Variants in PCLO observed in about 807,000 individuals in gnomAD.
PCLO encodes the protein protein piccolo.
PCLO carries 82 observed loss-of-function variants against 427.5 expected under a neutral mutation model. The observed-to-expected ratio is 0.19, with a 90% CI of 0.16 to 0.23. The LOEUF is 0.23. PCLO is among the 10% of genes least tolerant of loss of function. The pLI, the probability that PCLO is intolerant of heterozygous loss-of-function variation, is 1.00. For missense variants in PCLO, 6,239 were observed against 6,115.9 expected, an observed-to-expected ratio of 1.02 and a Z score of -0.67; for synonymous variants, 2,357 against 2,155.4, an observed-to-expected ratio of 1.09 and a Z score of -2.59.
At chr7:82,788,243 A>G (rs1583975553) in intron 22 of PCLO, among the ~76,000 whole-genome samples, 1 of 147,722 alleles carries the variant, frequency 6.8e-6, no homozygotes, top group East Asian at 1.9e-4. Flanking sequence ...TATAATTTAT[A>G]TATAATTAAT....
intron 6 of PCLO, among the ~76,000 whole-genome samples, chr7:82,924,206 G>A (rs533539317): frequency 6.6e-6 from 1 of 151,900 alleles, no homozygotes; most frequent in South Asian, 2.1e-4. Flanking sequence ...AGAACCGGAG[G>A]GAATAAAGGG....
Position 82,915,334 on chromosome 7 carries a change from T to C in PCLO, c.12652A>G (p.Ser4218Gly). ...GATGAAGTGCTAGAAGTCATATAGC[T>C]TGAATAATCAGGTTCAAGGTCTCTA... Reference protein sequence around the residue: ...ESRDLEPDYSSYMTSSTSSIG... With the variant: ...ESRDLEPDYSGYMTSSTSSIG... The change falls in exon 7 of 25, where the codon AGC (serine) becomes GGC (glycine). Residue 4218 changes from serine (S) to glycine (G), a missense_variant. Ser to Gly is a moderately conservative substitution (Grantham distance 56). Coordinates refer to ENST00000333891, the MANE Select transcript of PCLO (RefSeq NM_033026.6). 6.2e-7 allele frequency: 1 copy of C among 1,613,596 alleles called. No individual in the cohort carries two copies. The highest frequency in any genetic ancestry group is 1.1e-5 in the South Asian group (1 of 91,080).
At chr7:83,047,575 A>G (rs1037266042) in intron 3 of PCLO, among the ~76,000 whole-genome samples, 1 of 152,010 alleles carries the variant, frequency 6.6e-6, no homozygotes, top group Non-Finnish European at 1.5e-5. Flanking sequence ...TGCTATAAAG[A>G]ACCCACAATA....
intron 6 of PCLO, among the ~76,000 whole-genome samples, chr7:82,943,400 C>T (rs904672991): frequency 6.6e-6 from 1 of 151,664 alleles, no homozygotes; most frequent in African/African-American, 2.4e-5. Context: ...TTTTTTAGCA[C>T]AAAAAGTAGT....
At chr7:82,905,283 T>C (rs1173659819) in intron 8 of PCLO, among the ~76,000 whole-genome samples, 1 of 152,060 alleles carries the variant, frequency 6.6e-6, no homozygotes. Flanking sequence ...CAAGCCTGTA[T>C]ATATAAACAG....
intron 8 of PCLO, among the ~76,000 whole-genome samples, chr7:82,908,007 T>G (rs1794232268): frequency 6.6e-6 from 1 of 152,090 alleles, no homozygotes; most frequent in African/African-American, 2.4e-5. Context: ...GGTTGTTTTC[T>G]ATTTCAATTA....
Position 83,155,939 on chromosome 7 carries a change from G to A in PCLO, c.702C>T (p.Gly234=). Residue 234 remains glycine, a synonymous_variant, in exon 2 of 25, where the codon GGC becomes GGT. Transcript: ENST00000333891. ...GPGRDPLQQD[G]TPKSISSQQP... ...GTTGAGAAGATATTGATTTGGGAGTGCCATCCTGCTGAAGCGGATCCCTAC... is the reference window on the plus strand; with the variant it reads ...GTTGAGAAGATATTGATTTGGGAGTACCATCCTGCTGAAGCGGATCCCTAC... 1 of 1,613,780 alleles carries A rather than the reference G, an allele frequency of 6.2e-7. No homozygotes were observed. The highest frequency in any genetic ancestry group is 8.5e-7 in the Non-Finnish European group (1 of 1,179,824).
chr7:82,991,258 G>T (rs1345954052), intron 3 of PCLO, among the ~76,000 whole-genome samples: 1 of 151,998 alleles, frequency 6.6e-6, no homozygotes. Context: ...TCATTGAAAT[G>T]ATATGCCTTT....
At chr7:83,133,622 G>T (rs554093619) in intron 3 of PCLO, among the ~76,000 whole-genome samples, 1 of 151,982 alleles carries the variant, frequency 6.6e-6, no homozygotes, top group South Asian at 2.1e-4. Context: ...CTAGTAAAGT[G>T]CCATATCATA....
chr7:83,095,239 A>G (rs559753869), intron 3 of PCLO, among the ~76,000 whole-genome samples: 2 of 152,012 alleles, frequency 1.3e-5, no homozygotes, highest in Admixed American at 6.6e-5. Flanking sequence ...GAATATATGC[A>G]TGTATAGTTG....
At chr7:82,951,738 T>A (rs1453137978) in intron 5 of PCLO, 118 bp downstream of exon 5, 50 of 1,404,046 alleles carry the variant, frequency 3.6e-5, no homozygotes, top group Non-Finnish European at 4.0e-5. Context: ...TGCTATAACA[T>A]CCAAAGAAAG....
Position 83,159,559 on chromosome 7 carries a change from C to T in PCLO, c.248+2786G>A, listed in dbSNP as rs994465353. Reference sequence around the variant, plus strand: ...TACTTATATTTAGTACTACACCTCCCTTTTCATTTTACTATTGTCATCCTT... The same window carrying T: ...TACTTATATTTAGTACTACACCTCCTTTTTCATTTTACTATTGTCATCCTT... On this transcript the variant is annotated intron_variant, in intron 1 of 24. Transcript: ENST00000333891. Among the ~76,000 whole-genome samples, 4 of 152,112 alleles carry T rather than the reference C, an allele frequency of 2.6e-5. No homozygotes were observed. The East Asian group carries it at 5.8e-4, about 22-fold the overall frequency.
At chr7:82,811,125 T>G (rs1791560279) in intron 20 of PCLO, among the ~76,000 whole-genome samples, 1 of 151,618 alleles carries the variant, frequency 6.6e-6, no homozygotes, top group African/African-American at 2.4e-5. Flanking sequence ...GTTAATACAG[T>G]AGTAAATATC....
At chr7:82,933,910 T>C (rs1262532100) in intron 6 of PCLO, among the ~76,000 whole-genome samples, 2 of 151,880 alleles carry the variant, frequency 1.3e-5, no homozygotes, top group Non-Finnish European at 2.9e-5. Context: ...GAAATGAATC[T>C]CTAATGATAG....
chr7:82,764,497 T>C (rs1790493063), intron 22 of PCLO, among the ~76,000 whole-genome samples: 1 of 151,894 alleles, frequency 6.6e-6, no homozygotes, highest in African/African-American at 2.4e-5. Context: ...ATTTTAAAAA[T>C]TGTTTCAGAT....
At chr7:82,785,548 C>T (rs1344299352) in intron 22 of PCLO, among the ~76,000 whole-genome samples, 6 of 152,080 alleles carry the variant, frequency 3.9e-5, no homozygotes, top group Non-Finnish European at 8.8e-5. Flanking sequence ...ATCATTTCAG[C>T]TCATAGTTTT....
In PCLO at chr7:82,952,995, A is replaced by G. The variant is rs375181842; in HGVS notation, c.7958T>C (p.Val2653Ala). ...TGCTTGAAATGAAGAGGGTGCTGTGACAGGGGTAGCAGAAAATGTCTGTAA... is the reference window on the plus strand; with the variant it reads ...TGCTTGAAATGAAGAGGGTGCTGTGGCAGGGGTAGCAGAAAATGTCTGTAA... ...GALQTFSATP[V>A]TAPSSFQAAP... is the part of the protein sequence containing the mutation. Residue 2653 changes from valine (V) to alanine (A), a missense_variant, in exon 5 of 25, where the codon GTC (valine) becomes GCC (alanine). Val to Ala is a moderately conservative substitution (Grantham distance 64, BLOSUM62 0). Transcript: ENST00000333891. 4 of 1,613,828 alleles carry G rather than the reference A, an allele frequency of 2.5e-6. No homozygotes were observed. In the African/African-American group the frequency reaches 5.3e-5, roughly 22 times the overall value.
chr7:83,066,366 T>C (rs779396217), intron 3 of PCLO, among the ~76,000 whole-genome samples: 8 of 152,068 alleles, frequency 5.3e-5, no homozygotes, highest in Non-Finnish European at 1.2e-4. Context: ...TCCATTTTTA[T>C]GTTCATTTTG....
chr7:83,150,072 T>C (rs1792090893), intron 2 of PCLO, among the ~76,000 whole-genome samples: 1 of 152,204 alleles, frequency 6.6e-6, no homozygotes, highest in Non-Finnish European at 1.5e-5. Context: ...TTCTGAAAAG[T>C]GATAAGTCGT....
Sources: allele counts gnomAD v4.1 joint callset (sites outside exome capture counted in the v4.1 genomes callset), GRCh38; gene constraint gnomAD v4.1.1; transcripts MANE v1.5; gene names NCBI Gene and HGNC (gene_info 2026-07-23, HGNC 2026-07-21).